CHKA: variants seen among roughly 807,000 people sequenced by gnomAD.
The protein encoded by CHKA is CHETK-alpha.
CHKA carries 34 observed loss-of-function variants against 60.1 expected under a neutral mutation model. The ratio of observed to expected loss-of-function variants is 0.57; its 90% confidence interval spans 0.43 to 0.75. The LOEUF (loss-of-function observed/expected upper bound fraction) is 0.75. Among genes scored for constraint, CHKA ranks in the 30% least tolerant of loss-of-function variants. The pLI, the probability that CHKA is intolerant of heterozygous loss-of-function variation, is 0.00. For synonymous variants in CHKA, 217 were observed against 223.1 expected, an observed-to-expected ratio of 0.97 and a Z score of 0.24; for missense variants, 563 against 561.3, an observed-to-expected ratio of 1.00 and a Z score of -0.03.
chr11:68,057,620 A>G (rs928882443), intron 11 of CHKA, among the ~76,000 whole-genome samples: 3 of 152,150 alleles, frequency 2.0e-5, no homozygotes, highest in Non-Finnish European at 4.4e-5. Flanking sequence ...CGACCAGTCT[A>G]GGTCACTAAG....
At chr11:68,057,571 G>A (rs1451066226) in intron 11 of CHKA, among the ~76,000 whole-genome samples, 3 of 152,052 alleles carry the variant, frequency 2.0e-5, no homozygotes, top group Non-Finnish European at 2.9e-5. Context: ...CACCAGCCTC[G>A]GCCTCCCAAA....
At chr11:68,072,550 TAAAAAAAAA>T (rs10708078) in intron 4 of CHKA, among the ~76,000 whole-genome samples, 1 of 112,748 alleles carries the variant, frequency 8.9e-6, no homozygotes, top group Non-Finnish European at 1.8e-5. Context: ...GACCCTATCT[TAAAAAAAAA>T]AAAAAAAAAA....
At position 68,053,730 on chromosome 11, in the gene CHKA, A is replaced by C; in HGVS notation, c.*258T>G. On this transcript the variant is annotated 3_prime_UTR_variant, in exon 12 of 12. Transcript: ENST00000265689. Reference sequence around the variant, plus strand: ...ATATGAAATGCCTTCTCTAGATTAAAAGGATTCAGAGATGTTGCACTATTG... The same window carrying C: ...ATATGAAATGCCTTCTCTAGATTAACAGGATTCAGAGATGTTGCACTATTG... 1 of 396,894 alleles carries C rather than the reference A, an allele frequency of 2.5e-6. No homozygotes were observed. The highest frequency in any genetic ancestry group is 4.5e-6 in the Non-Finnish European group (1 of 220,652). The allele number at this position is 396,894 out of a possible 1,614,324, so 24.6% of individuals were successfully genotyped here.
At position 68,097,144 on chromosome 11, in the gene CHKA, G is replaced by A; in HGVS notation, c.351-14C>T. The A allele has an allele frequency of 3.1e-6, 5 of 1,599,458 alleles. No individual in the cohort carries two copies. The highest frequency in any genetic ancestry group is 2.2e-5 in the East Asian group (1 of 44,792). On this transcript the variant is annotated splice_polypyrimidine_tract_variant and intron_variant, in intron 1 of 11. Transcript: ENST00000265689. ...CTAAGGCCGCCTCTGTCAGAAATAA[G>A]AGGACAGTAAGTATCTTTATTGCAG...
At position 68,116,714 on chromosome 11, in the gene CHKA, T is replaced by TA. The variant is rs35489750; in HGVS notation, c.350+4113dup. Among the ~76,000 whole-genome samples the TA allele has an allele frequency of 3.6e-3, 515 of 141,278 alleles. 1 individual carries two copies. Among genetic ancestry groups the TA allele is most frequent in the African/African-American group, 6.1e-3 (233 of 38,504 alleles). 92.7% of individuals were successfully genotyped at this position (141,278 alleles called of 152,430 possible). On this transcript the variant is annotated intron_variant, in intron 1 of 11. Coordinates refer to ENST00000265689, the MANE Select transcript of CHKA (RefSeq NM_001277.3). ...CCTGGGCAACAGAGCAAGACTGTCTTAAAAAAAAAAAAAGAAAGAAAGAAA... is the reference window on the plus strand; with the variant it reads ...CCTGGGCAACAGAGCAAGACTGTCTTAAAAAAAAAAAAAAGAAAGAAAGAAA...
chr11:68,072,228 A>C (rs1363157716), intron 4 of CHKA, among the ~76,000 whole-genome samples: 2 of 152,112 alleles, frequency 1.3e-5, no homozygotes, highest in Non-Finnish European at 2.9e-5. Flanking sequence ...CATGAAACTA[A>C]ATCACCTGAT....
intron 10 of CHKA, among the ~76,000 whole-genome samples, chr11:68,063,821 C>T (rs1432809733): frequency 6.6e-6 from 1 of 152,152 alleles, no homozygotes; most frequent in Non-Finnish European, 1.5e-5. Context: ...TATCTCTCTG[C>T]CCCTCTCTCT....
intron 1 of CHKA, among the ~76,000 whole-genome samples, chr11:68,104,435 T>A (rs181108957): frequency 2.4e-4 from 37 of 152,162 alleles, no homozygotes; most frequent in African/African-American, 7.9e-4. Context: ...TATTATTATT[T>A]TTTGAGACTG....
chr11:68,121,024 G>C lies in CHKA; in HGVS notation c.154C>G (p.Gln52Glu). The C allele has an allele frequency of 2.7e-6, 3 of 1,108,856 alleles. No homozygotes were observed. Among genetic ancestry groups the C allele is most frequent in the Non-Finnish European group, 2.2e-6 (2 of 910,146 alleles). 68.7% of individuals were successfully genotyped at this position (1,108,856 alleles called of 1,614,324 possible). ...DLESKQLGGQ[Q>E]PPLALPPPPP... ...GGAGGGGGCAGCGCGAGCGGCGGCTGTTGGCCGCCCAGCTGCTTGGACTCG... is the reference window on the plus strand; with the variant it reads ...GGAGGGGGCAGCGCGAGCGGCGGCTCTTGGCCGCCCAGCTGCTTGGACTCG... Residue 52 changes from glutamine (Q) to glutamate (E), a missense_variant, in exon 1 of 12, where the codon CAG (glutamine) becomes GAG (glutamate). Coordinates refer to ENST00000265689, the MANE Select transcript of CHKA (RefSeq NM_001277.3).
chr11:68,065,942 C>CTCAT, intron 8 of CHKA, 48 bp from the exon 9 acceptor site: 1 of 1,331,216 alleles, frequency 7.5e-7, no homozygotes, highest in Non-Finnish European at 1.1e-6. Flanking sequence ...AACCGTATGC[C>CTCAT]TGGAGGCTCC....
chr11:68,100,616 A>C (rs1487255280), intron 1 of CHKA, among the ~76,000 whole-genome samples: 1 of 151,144 alleles, frequency 6.6e-6, no homozygotes, highest in Non-Finnish European at 1.5e-5. Context: ...TAAATAAATA[A>C]ATAAATAAAT....
At chr11:68,072,544 C>A in intron 4 of CHKA, among the ~76,000 whole-genome samples, 1 of 123,456 alleles carries the variant, frequency 8.1e-6, no homozygotes. Flanking sequence ...GAGTGAGACC[C>A]TATCTTAAAA....
intron 1 of CHKA, among the ~76,000 whole-genome samples, chr11:68,104,430 TTA>T (rs2153027091): frequency 6.6e-6 from 1 of 152,172 alleles, no homozygotes; most frequent in African/African-American, 2.4e-5. Flanking sequence ...ATTATTATTA[TTA>T]TTTTTTGAGA....
intron 2 of CHKA, among the ~76,000 whole-genome samples, chr11:68,093,394 C>T (rs1332162898): frequency 6.6e-6 from 1 of 152,106 alleles, no homozygotes; most frequent in African/African-American, 2.4e-5. Flanking sequence ...TTAACATTTG[C>T]CTAATAAAAA....
chr11:68,068,211 G>A lies in CHKA; in HGVS notation c.928+668C>T, dbSNP rs575564281. The stretch of plus-strand genomic sequence containing the variant: ...CACGTGTTGCGATAAGCAACACTAC[G>A]CTGTGTGGTGCAGAAGGGGGAAGGG... On this transcript the variant is annotated intron_variant, in intron 7 of 11. Coordinates refer to ENST00000265689, the MANE Select transcript of CHKA (RefSeq NM_001277.3). Among the ~76,000 whole-genome samples, 10 of 152,202 alleles carry A rather than the reference G, an allele frequency of 6.6e-5. No individual in the cohort carries two copies. In the East Asian group the frequency reaches 7.7e-4, roughly 12 times the overall value.
intron 2 of CHKA, among the ~76,000 whole-genome samples, chr11:68,083,104 G>A (rs559242692): frequency 2.6e-5 from 4 of 152,252 alleles, no homozygotes; most frequent in East Asian, 3.9e-4. Flanking sequence ...TAGGGACTGC[G>A]TCTTTTATTG....
At chr11:68,103,198 C>T (rs1857791105) in intron 1 of CHKA, among the ~76,000 whole-genome samples, 1 of 151,810 alleles carries the variant, frequency 6.6e-6, no homozygotes, top group South Asian at 2.1e-4. Context: ...AAATAAATGG[C>T]CAGAAAGCCA....
chr11:68,100,878 T>C (rs1181311445), intron 1 of CHKA, among the ~76,000 whole-genome samples: 3 of 149,082 alleles, frequency 2.0e-5, no homozygotes, highest in African/African-American at 7.4e-5. Context: ...TCACTAACTG[T>C]CAACCCATGA....
intron 1 of CHKA, among the ~76,000 whole-genome samples, chr11:68,097,794 T>C (rs887157823): frequency 6.6e-6 from 1 of 152,112 alleles, no homozygotes; most frequent in Non-Finnish European, 1.5e-5. Flanking sequence ...ACTCCCAACA[T>C]TAACTGGTTA....
Sources: allele counts gnomAD v4.1 joint callset (sites outside exome capture counted in the v4.1 genomes callset), GRCh38; gene constraint gnomAD v4.1.1; transcripts MANE v1.5; gene names NCBI Gene and HGNC (gene_info 2026-07-23, HGNC 2026-07-21).